Variants in CDC42BPG observed in about 807,000 individuals in gnomAD.
CDC42BPG encodes the protein CDC42 binding protein kinase gamma, also known as serine/threonine-protein kinase MRCK gamma.
Under a neutral mutation model 192.2 loss-of-function variants are expected in CDC42BPG, and 157 were observed. That is an observed-to-expected ratio of 0.82 (90% CI 0.72 to 0.93). The LOEUF (loss-of-function observed/expected upper bound fraction) is 0.93, where lower values mean the gene tolerates loss of function less well. Ranked by LOEUF, CDC42BPG falls within the 40% of genes least tolerant of loss-of-function variation. The probability of loss-of-function intolerance (pLI) is 0.00; values close to 1 mark genes in which losing one functional copy is unlikely to be tolerated. For synonymous variants in CDC42BPG, 981 were observed against 918.5 expected, an observed-to-expected ratio of 1.07 and a Z score of -1.23; for missense variants, 1,992 against 2,122.1, an observed-to-expected ratio of 0.94 and a Z score of 1.20.
chr11:64,839,807 A>T (rs1429483494), intron 5 of CDC42BPG, among the ~76,000 whole-genome samples: 2 of 152,264 alleles, frequency 1.3e-5, no homozygotes, highest in South Asian at 2.1e-4. Context: ...GAGGTGGCAG[A>T]GTGTGCTATG....
chr11:64,844,380 GC>G (rs1373380226), intron 1 of CDC42BPG, 29 bp downstream of exon 1: 1 of 1,365,550 alleles, frequency 7.3e-7, no homozygotes, highest in Non-Finnish European at 9.4e-7. Flanking sequence ...CCCTAGGCCC[GC>G]CCCCGCTCCG....
At position 64,830,213 on chromosome 11, in the gene CDC42BPG, G is replaced by C; in HGVS notation, c.3348C>G (p.Val1116=). The C allele has an allele frequency of 6.2e-7, 1 of 1,613,488 alleles. No individual in the cohort carries two copies. The highest frequency in any genetic ancestry group is 1.7e-5 in the Admixed American group (1 of 59,960). ...LALGTEEGLF[V]IHLRSNDIFQ... is the part of the protein sequence containing the mutation. ...AGGTACCGTTGCTGCGCAGATGGAT[G>C]ACAAAGAGCCCCTCCTCGGTGCCAA... is the stretch of plus-strand genomic sequence containing the variant. Residue 1116 remains valine (V), a synonymous_variant, in exon 29 of 37, where the codon GTC becomes GTG. Transcript: ENST00000342711.
chr11:64,825,089 G>C (rs894550837), intron 36 of CDC42BPG, among the ~76,000 whole-genome samples: 12 of 152,018 alleles, frequency 7.9e-5, no homozygotes, highest in African/African-American at 2.9e-4. Flanking sequence ...GCTAATTTTT[G>C]TATTTTTAGT....
intron 1 of CDC42BPG, 129 bp from the exon 2 acceptor site, chr11:64,842,033 G>C: frequency 1.4e-6 from 1 of 702,558 alleles, no homozygotes. Flanking sequence ...GGACAGCCTC[G>C]GGCCAAGGGG....
chr11:64,836,976 G>A lies in CDC42BPG; in HGVS notation c.1249C>T (p.Arg417Trp), dbSNP rs760377383. 34 of 1,613,384 alleles carry A rather than the reference G, an allele frequency of 2.1e-5. No individual in the cohort carries two copies. Among genetic ancestry groups the A allele is most frequent in the East Asian group, 8.9e-5 (4 of 44,902 alleles). ...SSSEAWAALE[R>W]KLQCLEQEKV... Reference sequence around the variant, plus strand: ...TCCTGCTCCAGACACTGGAGCTTCCGCTCCAGGGCAGCCCAAGCCTCAGAG... The same window carrying A: ...TCCTGCTCCAGACACTGGAGCTTCCACTCCAGGGCAGCCCAAGCCTCAGAG... Residue 417 changes from arginine to tryptophan, a missense_variant, in exon 10 of 37, where the codon CGG becomes TGG. Arg to Trp is a moderately radical substitution (Grantham distance 101). This residue lies in a region of CDC42BPG where 1,656 missense variants were observed against 1,844.3 expected (regional missense o/e 0.90). Coordinates refer to ENST00000342711, the MANE Select transcript of CDC42BPG (RefSeq NM_017525.3).
At chr11:64,827,216 C>G in intron 33 of CDC42BPG, 49 bp from the exon 34 acceptor site, 4 of 1,613,628 alleles carry the variant, frequency 2.5e-6, no homozygotes, top group Non-Finnish European at 3.4e-6. Context: ...ACCCTCCCTT[C>G]GACCCGTCCA....
chr11:64,829,351 G>A, intron 30 of CDC42BPG, 120 bp downstream of exon 30: 2 of 1,302,340 alleles, frequency 1.5e-6, no homozygotes, highest in East Asian at 2.3e-5. Flanking sequence ...TGTTGGGCTG[G>A]AGGATGCAAA....
chr11:64,841,554 C>T (rs1418868906), intron 3 of CDC42BPG, 96 bp downstream of exon 3: 3 of 1,016,332 alleles, frequency 3.0e-6, no homozygotes, highest in East Asian at 2.4e-5. Context: ...GGTCTGCAGC[C>T]TTGCCCGCCC....
chr11:64,839,988 A>G, intron 5 of CDC42BPG, 132 bp downstream of exon 5: 1 of 906,392 alleles, frequency 1.1e-6, no homozygotes, highest in Non-Finnish European at 1.7e-6. Context: ...CCAAGGAAGC[A>G]CACGGATGAG....
Position 64,836,377 on chromosome 11 carries a change from C to CCCACCTCAT in CDC42BPG, c.1488+49_1488+50insATGAGGTGG, listed in dbSNP as rs1942988510. On this transcript the variant is annotated intron_variant, in intron 12 of 36. Transcript: ENST00000342711. ...CGTCCATGGAGCCCAGGGCCACTCA[C>CCCACCTCAT]CCACCTCACCCACCTCACCCAGCCC... The CCCACCTCAT allele has an allele frequency of 2.5e-6, 4 of 1,603,682 alleles. No homozygotes were observed. In the African/African-American group the frequency reaches 5.4e-5, roughly 22 times the overall value.
chr11:64,833,699 G>A lies in CDC42BPG; in HGVS notation c.2565+39C>T, dbSNP rs113806090. 2.5e-4 allele frequency: 409 copies of A among 1,612,958 alleles called. 1 individual carries two copies. The African/African-American group carries it at 3.2e-3, about 13-fold the overall frequency. On this transcript the variant is annotated intron_variant, in intron 22 of 36. Transcript: ENST00000342711. ...GGGAGCAGGTGAGACGGGCAAGGGC[G>A]GGGCCCAGGCCCCCTACGATGGACC...
At chr11:64,831,277 G>A (rs1475904115) in intron 28 of CDC42BPG, among the ~76,000 whole-genome samples, 1 of 151,908 alleles carries the variant, frequency 6.6e-6, no homozygotes, top group African/African-American at 2.4e-5. Flanking sequence ...AGATTCTTTT[G>A]GAAAAAGCAG....
intron 30 of CDC42BPG, 105 bp from the exon 31 acceptor site, chr11:64,827,888 C>A: frequency 1.0e-6 from 1 of 975,832 alleles, no homozygotes; most frequent in Non-Finnish European, 1.5e-6. Context: ...CGCTAAGGTC[C>A]TTCCTCTGAA....
chr11:64,844,024 G>A (rs1050608477), intron 1 of CDC42BPG, among the ~76,000 whole-genome samples: 2 of 152,204 alleles, frequency 1.3e-5, no homozygotes, highest in Non-Finnish European at 2.9e-5. Context: ...GAGAAACAGA[G>A]CCCGTGTATC....
At chr11:64,831,808 G>C in intron 27 of CDC42BPG, 87 bp from the exon 28 acceptor site, 3 of 1,246,462 alleles carry the variant, frequency 2.4e-6, no homozygotes, top group East Asian at 2.5e-5. Context: ...GCTGTGCCCC[G>C]GGGGCCTAGC....
At position 64,840,121 on chromosome 11, in the gene CDC42BPG, T is replaced by G; in HGVS notation, c.580A>C (p.Arg194=). 6.2e-7 allele frequency: 1 copy of G among 1,611,534 alleles called. No homozygotes were observed. The highest frequency in any genetic ancestry group is 8.5e-7 in the Non-Finnish European group (1 of 1,179,178). ...HSLHQLGYVH[R]DVKPDNVLLD... Reference sequence around the variant, plus strand: ...AGGGCAGCGGGGTTGGGGCCCCACCTGTGGACATAACCCAGCTGGTGCAGC... The same window carrying G: ...AGGGCAGCGGGGTTGGGGCCCCACCGGTGGACATAACCCAGCTGGTGCAGC... Residue 194 remains arginine (R), a splice_region_variant and synonymous_variant, in exon 5 of 37, where the codon AGG becomes CGG. Transcript: ENST00000342711.
chr11:64,836,276 T>G lies in CDC42BPG; in HGVS notation c.1509A>C (p.Ala503=). Residue 503 remains alanine, a synonymous_variant, in exon 13 of 37, where the codon GCA becomes GCC. Transcript: ENST00000342711. ...RLHRELAEGR[A]GLQAQEQELC... ...GCTCCTGCTCCTGAGCCTGCAGCCC[T>G]GCCCGACCCTCGGCCAGCTCCTGAG... 6.2e-7 allele frequency: 1 copy of G among 1,604,136 alleles called. No homozygotes were observed.
At chr11:64,839,621 G>T in intron 5 of CDC42BPG, 50 bp from the exon 6 acceptor site, 1 of 1,486,506 alleles carries the variant, frequency 6.7e-7, no homozygotes, top group Non-Finnish European at 9.2e-7. Context: ...GTGTGTAAGT[G>T]GCCATTTAGG....
chr11:64,841,143 T>A (rs1396585425), intron 3 of CDC42BPG, among the ~76,000 whole-genome samples: 4 of 143,836 alleles, frequency 2.8e-5, no homozygotes, highest in African/African-American at 7.9e-5. Flanking sequence ...AGAGTGAGAC[T>A]CTATCTTAAA....
Sources: gnomAD v4.1 joint callset for allele counts (sites outside exome capture counted in the v4.1 genomes callset) on GRCh38, gnomAD v4.1.1 for gene constraint, gnomAD v4.1.1 regional missense constraint, MANE v1.5 for transcripts, NCBI Gene and HGNC (gene_info 2026-07-23, HGNC 2026-07-21) for gene names.